Variants in ZNF407 observed in about 807,000 individuals in gnomAD.
The protein encoded by ZNF407 is zinc finger protein 407.
ZNF407 carries 17 observed loss-of-function variants against 131.2 expected under a neutral mutation model. That is an observed-to-expected ratio of 0.13 (90% CI 0.09 to 0.19). ZNF407 has a LOEUF of 0.19. Ranked by LOEUF, ZNF407 falls within the 10% of genes least tolerant of loss-of-function variation. ZNF407 has a pLI of 1.00. For missense variants in ZNF407, 2,681 were observed against 2,830.6 expected (o/e 0.95, Z 1.20); for synonymous variants, 1,156 against 1,062.0 (o/e 1.09, Z -1.72).
intron 1 of ZNF407, among the ~76,000 whole-genome samples, chr18:74,623,188 GTGTGTC>G (rs1306192095): frequency 6.6e-6 from 1 of 151,744 alleles, no homozygotes; most frequent in Admixed American, 6.6e-5. Context: ...GTGAATCCGT[GTGTGTC>G]TGTATGTCTG....
chr18:74,732,244 G>A (rs1450983381), intron 3 of ZNF407, among the ~76,000 whole-genome samples: 2 of 152,112 alleles, frequency 1.3e-5, no homozygotes, highest in African/African-American at 4.8e-5. Context: ...AAACTTACTG[G>A]TGTAGACTGT....
chr18:74,714,392 A>G (rs1967841576), intron 3 of ZNF407, among the ~76,000 whole-genome samples: 1 of 152,250 alleles, frequency 6.6e-6, no homozygotes, highest in Non-Finnish European at 1.5e-5. Flanking sequence ...AGCATAAAAT[A>G]TGCTTGTGGT....
chr18:74,942,629 A>G (rs1318613641), intron 8 of ZNF407, among the ~76,000 whole-genome samples: 1 of 152,160 alleles, frequency 6.6e-6, no homozygotes, highest in Non-Finnish European at 1.5e-5. Context: ...CTGGGCCTCC[A>G]GTATGTTTTT....
At chr18:74,663,534 G>A (rs1007861148) in intron 3 of ZNF407, among the ~76,000 whole-genome samples, 7 of 152,158 alleles carry the variant, frequency 4.6e-5, no homozygotes, top group Admixed American at 2.6e-4. Context: ...ATAGAACGCA[G>A]GTCCCGGCTC....
At chr18:75,008,458 C>T (rs1394254338) in intron 8 of ZNF407, among the ~76,000 whole-genome samples, 2 of 152,222 alleles carry the variant, frequency 1.3e-5, no homozygotes, top group African/African-American at 4.8e-5. Flanking sequence ...AGCTGCTCTG[C>T]AGACCTCAAA....
chr18:75,042,669 T>C (rs1397035829), intron 8 of ZNF407, among the ~76,000 whole-genome samples: 2 of 152,234 alleles, frequency 1.3e-5, no homozygotes, highest in Non-Finnish European at 2.9e-5. Flanking sequence ...TTTGCAATCA[T>C]GCAAGCACAA....
intron 4 of ZNF407, among the ~76,000 whole-genome samples, chr18:74,794,085 G>A (rs1359382533): frequency 1.3e-5 from 2 of 152,184 alleles, no homozygotes; most frequent in African/African-American, 2.4e-5. Context: ...CTTTCTCTCC[G>A]AAGCCTCTGG....
At chr18:74,972,560 G>C (rs1004877146) in intron 8 of ZNF407, among the ~76,000 whole-genome samples, 2 of 152,164 alleles carry the variant, frequency 1.3e-5, no homozygotes, top group African/African-American at 4.8e-5. Flanking sequence ...CTCAAATCTG[G>C]ACTGTTGCCA....
intron 8 of ZNF407, among the ~76,000 whole-genome samples, chr18:74,966,830 T>C (rs528213506): frequency 1.3e-5 from 2 of 152,334 alleles, no homozygotes; most frequent in Non-Finnish European, 2.9e-5. Context: ...CCTCTTCAAT[T>C]TCTTTCATCA....
At chr18:75,021,469 T>G (rs1036901602) in intron 8 of ZNF407, among the ~76,000 whole-genome samples, 1 of 152,038 alleles carries the variant, frequency 6.6e-6, no homozygotes, top group Admixed American at 6.6e-5. Context: ...AGGGTCTCAC[T>G]GCGTTAGCCA....
chr18:74,959,166 GATA>G (rs1319162366), intron 8 of ZNF407, among the ~76,000 whole-genome samples: 1 of 152,120 alleles, frequency 6.6e-6, no homozygotes, highest in African/African-American at 2.4e-5. Context: ...AATACTATAG[GATA>G]ATATTTGTGT....
chr18:75,011,395 A>T (rs1972972512), intron 8 of ZNF407, among the ~76,000 whole-genome samples: 1 of 152,134 alleles, frequency 6.6e-6, no homozygotes, highest in Non-Finnish European at 1.5e-5. Context: ...ATAATTTTTC[A>T]TCTGAATAAC....
intron 4 of ZNF407, among the ~76,000 whole-genome samples, chr18:74,784,236 T>TA (rs1312818337): frequency 2.6e-5 from 4 of 152,332 alleles, no homozygotes; most frequent in Admixed American, 6.5e-5. Context: ...TAATCAGTTT[T>TA]AAAAAATGTT....
At chr18:74,906,861 G>GTGTATGTGTATATGTGCACACATAC (rs1223075022) in intron 7 of ZNF407, among the ~76,000 whole-genome samples, 1 of 152,054 alleles carries the variant, frequency 6.6e-6, no homozygotes, top group Admixed American at 6.5e-5. Flanking sequence ...TATTTTATGT[G>GTGTATGTGTATATGTGCACACATAC]TGTATGTGTA....
At chr18:74,875,138 A>G (rs1051969570) in intron 4 of ZNF407, among the ~76,000 whole-genome samples, 3 of 152,212 alleles carry the variant, frequency 2.0e-5, no homozygotes, top group African/African-American at 7.2e-5. Flanking sequence ...AGAACACCCC[A>G]TTGTTAAGTA....
chr18:74,903,035 A>G (rs1270973417), intron 7 of ZNF407, among the ~76,000 whole-genome samples: 1 of 152,178 alleles, frequency 6.6e-6, no homozygotes, highest in Non-Finnish European at 1.5e-5. Context: ...CCCCACCTCT[A>G]ATACCCTAGG....
chr18:74,716,198 T>G (rs1599094008), intron 3 of ZNF407, among the ~76,000 whole-genome samples: 1 of 152,192 alleles, frequency 6.6e-6, no homozygotes, highest in Non-Finnish European at 1.5e-5. Flanking sequence ...ATTCGTGAGG[T>G]TTTGATAGCT....
At chr18:74,759,890 T>C (rs1969054933) in intron 3 of ZNF407, among the ~76,000 whole-genome samples, 1 of 151,622 alleles carries the variant, frequency 6.6e-6, no homozygotes, top group African/African-American at 2.4e-5. Context: ...TGGAAATGGT[T>C]TCTGTTGACT....
chr18:74,965,904 T>C (rs77488955), intron 8 of ZNF407, among the ~76,000 whole-genome samples: 1,887 of 152,334 alleles, frequency 0.012, 44 homozygotes, highest in African/African-American at 0.041. Context: ...TACATTTTGA[T>C]TGATGATCGA....
Sources: allele counts gnomAD v4.1 joint callset (sites outside exome capture counted in the v4.1 genomes callset), GRCh38; gene constraint gnomAD v4.1.1; transcripts MANE v1.5; gene names NCBI Gene and HGNC (gene_info 2026-07-23, HGNC 2026-07-21).